ZNF846: variants seen among roughly 807,000 people sequenced by gnomAD.
ZNF846 encodes the protein zinc finger protein 846, also known as zinc finger protein 420 pseudogene.
Under a neutral mutation model 16.0 loss-of-function variants are expected in ZNF846, and 15 were observed. The observed-to-expected ratio is 0.94, with a 90% CI of 0.63 to 1.45. ZNF846 has a LOEUF of 1.45. Ranked by LOEUF, ZNF846 falls within the 40% of genes most tolerant of loss-of-function variation. The pLI is 0.00. For missense variants in ZNF846, 714 were observed against 622.3 expected (o/e 1.15, Z -1.57); for synonymous variants, 229 against 212.0 (o/e 1.08, Z -0.70).
At chr19:9,773,751 C>T (rs917649932) in intron 1 of ZNF846, among the ~76,000 whole-genome samples, 1 of 152,076 alleles carries the variant, frequency 6.6e-6, no homozygotes, top group African/African-American at 2.4e-5. Flanking sequence ...CACTGCACTT[C>T]AGCCTGGGCG....
chr19:9,756,343 G>GTGTGTGTATATA (rs1555711358), downstream of ZNF846: 7 of 71,192 alleles, frequency 9.8e-5, no homozygotes, highest in South Asian at 4.2e-3. Flanking sequence ...GTGTGTGTGT[G>GTGTGTGTATATA]TGTATATATA....
intron 2 of ZNF846, among the ~76,000 whole-genome samples, chr19:9,764,040 G>A (rs567674677): frequency 2.6e-4 from 39 of 152,310 alleles, no homozygotes; most frequent in Admixed American, 5.9e-4. Context: ...ATGAATGGAC[G>A]TGCAGTCAGG....
intron 1 of ZNF846, among the ~76,000 whole-genome samples, chr19:9,766,367 T>C (rs1377990668): frequency 6.7e-6 from 1 of 148,808 alleles, no homozygotes; most frequent in Non-Finnish European, 1.5e-5. Flanking sequence ...TGAGCCAAGA[T>C]TGCGCCACTG....
At chr19:9,753,377 G>C (rs2045104110), downstream of ZNF846, among the ~76,000 whole-genome samples, 1 of 150,384 alleles carries the variant, frequency 6.6e-6, no homozygotes, top group African/African-American at 2.5e-5. Context: ...TCAGCCTCCT[G>C]GATAACTGGG....
chr19:9,762,086 C>CA lies in ZNF846; in HGVS notation c.224dup (p.Gln76AlafsTer40). On this transcript the variant is annotated frameshift_variant, in exon 4 of 6. Transcript: ENST00000397902. LOFTEE classifies it high-confidence loss of function. ...CACATCTGCTTATGAACTCACCCTG[C>CA]AGAACTCCTGTCACTCCTGTCCTCA... 6.2e-7 allele frequency: 1 copy of CA among 1,613,732 alleles called. No homozygotes were observed. The highest frequency in any genetic ancestry group is 1.1e-5 in the South Asian group (1 of 91,072).
chr19:9,762,147 C>T (rs547131432), exon 4 of ZNF846: 73 of 1,613,882 alleles, frequency 4.5e-5, no homozygotes, highest in Middle Eastern at 1.6e-4. Context: ...CATGAGACTA[C>T]GTTTGAATAA....
intron 4 of ZNF846, among the ~76,000 whole-genome samples, chr19:9,761,702 C>T (rs1031500026): frequency 2.0e-5 from 3 of 149,518 alleles, no homozygotes; most frequent in Admixed American, 6.7e-5. Flanking sequence ...CAGTGCAAGA[C>T]TCCATCTCAA....
At chr19:9,758,051 C>T (rs2145194484) in exon 6 of ZNF846, 1 of 1,612,482 alleles carries the variant, frequency 6.2e-7, no homozygotes, top group Non-Finnish European at 8.5e-7. Context: ...CTTTTCCACA[C>T]TCCTTACATT....
chr19:9,782,816 C>A (rs1005048170), intron 1 of ZNF846, among the ~76,000 whole-genome samples: 7 of 152,192 alleles, frequency 4.6e-5, no homozygotes, highest in African/African-American at 1.7e-4. Context: ...TTGAAAGGAA[C>A]AAATGGCTTT....
downstream of ZNF846, among the ~76,000 whole-genome samples, chr19:9,750,593 A>C (rs1018283018): frequency 1.3e-5 from 2 of 152,144 alleles, no homozygotes; most frequent in African/African-American, 2.4e-5. Context: ...CCTTACCCCC[A>C]AAATCCAGTT....
At chr19:9,758,444 T>C in exon 6 of ZNF846, 1 of 1,613,462 alleles carries the variant, frequency 6.2e-7, no homozygotes, top group South Asian at 1.1e-5. Flanking sequence ...ACTTAAGGGA[T>C]GACTGATTAA....
At chr19:9,781,376 T>C (rs1278331688) in intron 1 of ZNF846, among the ~76,000 whole-genome samples, 2 of 152,126 alleles carry the variant, frequency 1.3e-5, no homozygotes, top group Admixed American at 6.5e-5. Context: ...TCTGCCCACA[T>C]TGGCCTCCCA....
chr19:9,769,820 A>AT (rs1289090939), upstream of ZNF846, among the ~76,000 whole-genome samples: 1 of 151,812 alleles, frequency 6.6e-6, no homozygotes, highest in African/African-American at 2.4e-5. Context: ...TACTAAAAAT[A>AT]TTTTTTAAAA....
rs1028084969 is a variant in ZNF846 at position 9,757,819 on chromosome 19, T to C, written c.1258A>G (p.Lys420Glu). 3.7e-6 allele frequency: 6 copies of C among 1,613,484 alleles called. No homozygotes were observed. Among genetic ancestry groups the C allele is most frequent in the African/African-American group, 1.3e-5 (1 of 74,424 alleles). Residue 420 changes from lysine (K) to glutamate (E), a missense_variant, in exon 6 of 6, where the codon AAG becomes GAG. Coordinates refer to ENST00000397902, the Ensembl canonical transcript of ZNF846. ...CCACATTCTTTGCATTCATATGGCT[T>C]CTCTCCAGTGTGAATCCTTACATGT...
At chr19:9,783,543 AAATAT>A (rs2145328176) in intron 1 of ZNF846, among the ~76,000 whole-genome samples, 1 of 124,532 alleles carries the variant, frequency 8.0e-6, no homozygotes, top group East Asian at 2.1e-4. Context: ...AAAAAAAAAA[AAATAT>A]ATATATATAT....
exon 6 of ZNF846, chr19:9,757,951 T>C: frequency 6.2e-7 from 1 of 1,613,580 alleles, no homozygotes; most frequent in Non-Finnish European, 8.5e-7. Flanking sequence ...GAGGAACGAG[T>C]AAAAGCTTTC....
chr19:9,767,144 T>C (rs1302843230), intron 1 of ZNF846, among the ~76,000 whole-genome samples: 1 of 151,652 alleles, frequency 6.6e-6, no homozygotes, highest in Non-Finnish European at 1.5e-5. Flanking sequence ...ATTTATTTAT[T>C]TATTTATTTA....
chr19:9,761,719 A>G (rs2045233093), intron 4 of ZNF846, among the ~76,000 whole-genome samples: 1 of 152,098 alleles, frequency 6.6e-6, no homozygotes, highest in Non-Finnish European at 1.5e-5. Flanking sequence ...TCAAAAAAAA[A>G]AAAAACCTGT....
chr19:9,775,798 G>T (rs764657279), intron 1 of ZNF846, among the ~76,000 whole-genome samples: 1 of 152,314 alleles, frequency 6.6e-6, no homozygotes, highest in African/African-American at 2.4e-5. Context: ...TGAAGCAAGA[G>T]ACCGAGGACA....
Sources: gnomAD v4.1 joint callset for allele counts (sites outside exome capture counted in the v4.1 genomes callset) on GRCh38, gnomAD v4.1.1 for gene constraint, MANE v1.5 for transcripts, NCBI Gene and HGNC (gene_info 2026-07-23, HGNC 2026-07-21) for gene names.